SLC2A12: variants seen among roughly 807,000 people sequenced by gnomAD.
SLC2A12 encodes solute carrier family 2 member 12, also known as solute carrier family 2, facilitated glucose transporter member 12.
Under a neutral mutation model 41.8 loss-of-function variants are expected in SLC2A12, and 23 were observed. The ratio of observed to expected loss-of-function variants is 0.55; its 90% CI spans 0.40 to 0.78. SLC2A12 has a LOEUF of 0.78. SLC2A12 is among the 30% of genes least tolerant of loss of function. The pLI, the probability that SLC2A12 is intolerant of heterozygous loss-of-function variation, is 0.00. For missense variants in SLC2A12, 654 were observed against 745.6 expected (o/e 0.88, Z 1.43); for synonymous variants, 295 against 285.9 (o/e 1.03, Z -0.32).
intron 3 of SLC2A12, among the ~76,000 whole-genome samples, chr6:134,005,717 A>C (rs1335135238): frequency 6.9e-6 from 1 of 144,552 alleles, no homozygotes; most frequent in African/African-American, 2.6e-5. Flanking sequence ...GCTGCTCTCT[A>C]TCCTTAAATT....
intron 2 of SLC2A12, among the ~76,000 whole-genome samples, chr6:134,019,979 C>T (rs559392040): frequency 6.7e-6 from 1 of 148,608 alleles, no homozygotes; most frequent in South Asian, 2.1e-4. Flanking sequence ...GAGCCGAGAT[C>T]GAGCCACTGC....
chr6:134,043,621 G>A (rs544812443), intron 1 of SLC2A12, among the ~76,000 whole-genome samples: 1 of 151,638 alleles, frequency 6.6e-6, no homozygotes, highest in Non-Finnish European at 1.5e-5. Flanking sequence ...GTAAAACCCC[G>A]TCTCTAGTAA....
At chr6:134,052,016 T>C (rs1773690726) in intron 1 of SLC2A12, among the ~76,000 whole-genome samples, 1 of 152,150 alleles carries the variant, frequency 6.6e-6, no homozygotes, top group Admixed American at 6.5e-5. Context: ...AATGAGACTA[T>C]CTTTGCCAGT....
chr6:134,013,590 A>T (rs1776917550), intron 2 of SLC2A12, among the ~76,000 whole-genome samples: 1 of 152,110 alleles, frequency 6.6e-6, no homozygotes, highest in East Asian at 1.9e-4. Flanking sequence ...CTACTTTTTA[A>T]ATGGATGAAA....
In SLC2A12 at chr6:133,987,666, A is replaced by G. The variant is rs1776557436; in HGVS notation, c.*3489T>C. 1 of 150,262 alleles carries G rather than the reference A, an allele frequency of 6.7e-6. No individual in the cohort carries two copies. Among genetic ancestry groups the G allele is most frequent in the Non-Finnish European group, 1.5e-5 (1 of 67,382 alleles). 9.3% of individuals were successfully genotyped at this position (150,262 alleles called of 1,614,324 possible). ...TGTGTGTGTATATATATATATATAT[A>G]TGCACCACATGTGTATAGTATCTTT... On this transcript the variant is annotated 3_prime_UTR_variant, in exon 5 of 5. Transcript: ENST00000275230.
rs1776573825 is a variant in SLC2A12, at chr6:133,988,714, T to A, written c.*2441A>T. 1 of 152,136 alleles carries A rather than the reference T, an allele frequency of 6.6e-6. No individual in the cohort carries two copies. The highest frequency in any genetic ancestry group is 2.1e-4 in the South Asian group (1 of 4,824). 9.4% of individuals were successfully genotyped at this position (152,136 alleles called of 1,614,324 possible). A position where few individuals can be genotyped will look rare whatever the true frequency, so the allele number is the denominator to read the frequency against. The stretch of plus-strand genomic sequence containing the variant: ...AAATATTTCATTGAGATTTTTAGAC[T>A]TGTATTTTTCCTTTTTTTTAAAAAA... On this transcript the variant is annotated 3_prime_UTR_variant, in exon 5 of 5. Coordinates refer to ENST00000275230, the MANE Select transcript of SLC2A12 (RefSeq NM_145176.3).
At position 133,987,648 on chromosome 6, in the gene SLC2A12, G is replaced by GGA. The variant is rs1776554666; in HGVS notation, c.*3506_*3507insTC. 1.1e-5 allele frequency: 1 copy of GGA among 88,320 alleles called. No individual in the cohort carries two copies. The allele number at this position is 88,320 out of a possible 1,614,324, so 5.5% of individuals were successfully genotyped here. On this transcript the variant is annotated 3_prime_UTR_variant, in exon 5 of 5. Transcript: ENST00000275230. ...TTTGTGTGTGTGTGTGTGTGTGTGT[G>GGA]TATATATATATATATATATGCACCA...
At chr6:134,020,357 G>A (rs1777024807) in intron 2 of SLC2A12, among the ~76,000 whole-genome samples, 2 of 152,142 alleles carry the variant, frequency 1.3e-5, no homozygotes, top group Admixed American at 1.3e-4. Context: ...TGTATTACAA[G>A]CAATAAACTC....
intron 3 of SLC2A12, among the ~76,000 whole-genome samples, chr6:134,005,557 G>T (rs890815132): frequency 1.3e-5 from 2 of 150,064 alleles, no homozygotes; most frequent in African/African-American, 4.9e-5. Flanking sequence ...CTACTTGGGA[G>T]GCTGAGGCAA....
chr6:134,036,147 G>T (rs1175381024), intron 1 of SLC2A12, among the ~76,000 whole-genome samples: 4 of 152,214 alleles, frequency 2.6e-5, no homozygotes, highest in African/African-American at 9.6e-5. Context: ...CAGCTGAAAA[G>T]CATGCACACA....
At chr6:134,015,750 C>T (rs1024182945) in intron 2 of SLC2A12, among the ~76,000 whole-genome samples, 2 of 152,136 alleles carry the variant, frequency 1.3e-5, no homozygotes, top group Admixed American at 6.5e-5. Flanking sequence ...GAAATGAAGC[C>T]ACTAGGTAAA....
chr6:133,993,132 C>A (rs1776644573), intron 4 of SLC2A12, among the ~76,000 whole-genome samples: 2 of 152,148 alleles, frequency 1.3e-5, no homozygotes, highest in Admixed American at 1.3e-4. Flanking sequence ...TTTGCTCGGT[C>A]TCTAAGTTTG....
intron 3 of SLC2A12, among the ~76,000 whole-genome samples, chr6:134,006,194 A>AAAAAAC (rs1776813777): frequency 1.1e-5 from 1 of 90,938 alleles, no homozygotes; most frequent in Non-Finnish European, 2.5e-5. Context: ...AAAAAAAAAC[A>AAAAAAC]AAAAAAAAAA....
intron 2 of SLC2A12, among the ~76,000 whole-genome samples, chr6:134,016,920 C>T (rs1465312714): frequency 6.6e-6 from 1 of 152,144 alleles, no homozygotes; most frequent in Admixed American, 6.5e-5. Context: ...ACTTCCCTCC[C>T]AAATTCCAGG....
intron 2 of SLC2A12, among the ~76,000 whole-genome samples, chr6:134,024,372 G>T (rs764125811): frequency 9.9e-5 from 15 of 152,190 alleles, no homozygotes; most frequent in Non-Finnish European, 1.9e-4. Context: ...TGCCAAGACC[G>T]CAGTCTTCCA....
chr6:134,046,923 T>C (rs750554350), intron 1 of SLC2A12, among the ~76,000 whole-genome samples: 1 of 151,934 alleles, frequency 6.6e-6, no homozygotes, highest in Non-Finnish European at 1.5e-5. Flanking sequence ...AACAAAATAA[T>C]ACAGAAAAAA....
In SLC2A12 at chr6:134,006,074, A is replaced by G. The variant is rs143147065; in HGVS notation, c.1567+738T>C. On this transcript the variant is annotated intron_variant, in intron 3 of 4. Coordinates refer to ENST00000275230, the MANE Select transcript of SLC2A12 (RefSeq NM_145176.3). ...GTAATCCCAGCTGCTCCAGAGGCTGAGGCAAGAGAATCATTTCAACCCAGG... is the reference window on the plus strand; with the variant it reads ...GTAATCCCAGCTGCTCCAGAGGCTGGGGCAAGAGAATCATTTCAACCCAGG... Among the ~76,000 whole-genome samples, 166 of 150,674 alleles carry G rather than the reference A, an allele frequency of 1.1e-3. 1 individual carries two copies. Among genetic ancestry groups the G allele is most frequent in the African/African-American group, 4.0e-3 (163 of 41,068 alleles).
In SLC2A12 at chr6:134,029,404, C is replaced by T; in HGVS notation, c.421G>A (p.Gly141Arg). The change falls in exon 2 of 5, where the codon GGG becomes AGG. Residue 141 changes from glycine (G) to arginine (R), a missense_variant. By Grantham distance (125) the Gly-to-Arg change is moderately radical. Coordinates refer to ENST00000275230, the MANE Select transcript of SLC2A12 (RefSeq NM_145176.3). ...TVLIVGRIAI[G>R]VSISLSSIAT... ...ATGGAAGAGAGGGAGATGGAGACCC[C>T]TATGGCAATGCGTCCCACTATAAGA... The T allele has an allele frequency of 6.2e-7, 1 of 1,614,150 alleles. No homozygotes were observed.
chr6:134,015,393 G>A (rs2114447980), intron 2 of SLC2A12, among the ~76,000 whole-genome samples: 1 of 152,244 alleles, frequency 6.6e-6, no homozygotes, highest in East Asian at 1.9e-4. Flanking sequence ...GGGTTGATCT[G>A]TGCAGCAAAC....
Sources: allele counts gnomAD v4.1 joint callset (sites outside exome capture counted in the v4.1 genomes callset), GRCh38; gene constraint gnomAD v4.1.1; transcripts MANE v1.5; gene names NCBI Gene and HGNC (gene_info 2026-07-23, HGNC 2026-07-21).